Variants in NR1H4 observed in about 807,000 individuals in gnomAD.
NR1H4 encodes the protein nuclear receptor subfamily 1 group H member 4.
Under a neutral mutation model 58.5 loss-of-function variants are expected in NR1H4, and 23 were observed. The observed-to-expected ratio is 0.39, with a 90% confidence interval of 0.28 to 0.56. The LOEUF is 0.56. NR1H4 is among the 20% of genes least tolerant of loss of function. The probability of loss-of-function intolerance (pLI) is 0.58; values close to 1 mark genes in which losing one functional copy is unlikely to be tolerated. For missense variants in NR1H4, 487 were observed against 576.9 expected, an observed-to-expected ratio of 0.84 and a Z score of 1.60; for synonymous variants, 214 against 198.0, an observed-to-expected ratio of 1.08 and a Z score of -0.68.
chr12:100,489,279 T>C (rs1375015251), intron 1 of NR1H4, among the ~76,000 whole-genome samples: 1 of 152,214 alleles, frequency 6.6e-6, no homozygotes, highest in Non-Finnish European at 1.5e-5. Context: ...ACTTTGATTG[T>C]TTGAATCCCT....
At chr12:100,547,574 C>T (rs768108749) in intron 9 of NR1H4, among the ~76,000 whole-genome samples, 6 of 152,118 alleles carry the variant, frequency 3.9e-5, no homozygotes, top group Non-Finnish European at 8.8e-5. Flanking sequence ...CGTGAAGACA[C>T]AAAAGCTTCC....
intron 8 of NR1H4, among the ~76,000 whole-genome samples, chr12:100,538,067 T>C (rs1367776562): frequency 6.6e-6 from 1 of 152,136 alleles, no homozygotes; most frequent in East Asian, 1.9e-4. Flanking sequence ...TTATTTGAGA[T>C]AGGAGAGAAA....
chr12:100,507,711 C>T (rs1484898838), intron 3 of NR1H4, among the ~76,000 whole-genome samples: 1 of 152,102 alleles, frequency 6.6e-6, no homozygotes, highest in African/African-American at 2.4e-5. Flanking sequence ...GAACCACCTG[C>T]CTCGGCCTCC....
intron 1 of NR1H4, among the ~76,000 whole-genome samples, chr12:100,476,401 CCA>C (rs1953272721): frequency 6.6e-6 from 1 of 152,122 alleles, no homozygotes; most frequent in African/African-American, 2.4e-5. Flanking sequence ...TTGTTTTAAC[CCA>C]GAGACCAGTC....
chr12:100,540,151 T>G (rs766037420), intron 8 of NR1H4, among the ~76,000 whole-genome samples: 11 of 152,306 alleles, frequency 7.2e-5, no homozygotes, highest in South Asian at 2.1e-4. Context: ...ATTTTTCTGA[T>G]TTTCCCCCAC....
In NR1H4 at chr12:100,536,542, A is replaced by T; in HGVS notation, c.763A>T (p.Thr255Ser). ...AACTGAACTCACCCCAGATCAACAGACTCTTCTACATTTTATTATGGATTC... is the reference window on the plus strand; with the variant it reads ...AACTGAACTCACCCCAGATCAACAGTCTCTTCTACATTTTATTATGGATTC... The part of the protein sequence containing the change: ...EKTELTPDQQ[T>S]LLHFIMDSYN... Residue 255 changes from threonine (T) to serine (S), a missense_variant, in exon 7 of 11, where the codon ACT becomes TCT. Physicochemically the swap from Thr to Ser is moderately conservative, Grantham distance 58. Transcript: ENST00000392986. The T allele has an allele frequency of 6.2e-7, 1 of 1,610,172 alleles. No homozygotes were observed. Among genetic ancestry groups the T allele is most frequent in the South Asian group, 1.1e-5 (1 of 90,966 alleles).
rs569479207 is a variant in NR1H4 at position 100,540,775 on chromosome 12, G to A, written c.1035G>A (p.Pro345=). Residue 345 remains proline (P), a synonymous_variant, in exon 9 of 11, where the codon CCG becomes CCA. Coordinates refer to ENST00000392986, the MANE Select transcript of NR1H4 (RefSeq NM_001206979.2). ...CTGAGATTTTCAATAAGAAACTTCC[G>A]TCTGGGCATTCTGACCTATTGGAAG... The part of the protein sequence containing the change: ...RSAEIFNKKL[P]SGHSDLLEER... The A allele has an allele frequency of 3.6e-5, 58 of 1,614,092 alleles. No homozygotes were observed. Among genetic ancestry groups the A allele is most frequent in the East Asian group, 2.7e-4 (12 of 44,874 alleles).
At chr12:100,503,758 CAA>C (rs774467423) in intron 3 of NR1H4, among the ~76,000 whole-genome samples, 3 of 152,116 alleles carry the variant, frequency 2.0e-5, no homozygotes, top group Non-Finnish European at 4.4e-5. Context: ...ACTATTCTTC[CAA>C]ACCAAACATT....
chr12:100,561,738 G>C, intron 9 of NR1H4, 147 bp from the exon 10 acceptor site: 1 of 589,346 alleles, frequency 1.7e-6, no homozygotes. Context: ...TCCTTCCTTT[G>C]GACATATAAT....
chr12:100,490,495 C>T (rs968049502), intron 1 of NR1H4, among the ~76,000 whole-genome samples: 3 of 152,012 alleles, frequency 2.0e-5, no homozygotes, highest in South Asian at 2.1e-4. Flanking sequence ...ACTTTCTGAC[C>T]GTTCACATTG....
chr12:100,479,907 C>T (rs1953343853), intron 1 of NR1H4, among the ~76,000 whole-genome samples: 1 of 152,336 alleles, frequency 6.6e-6, no homozygotes, highest in South Asian at 2.1e-4. Context: ...CTTCACATCT[C>T]AGTTCGAATG....
intron 9 of NR1H4, among the ~76,000 whole-genome samples, chr12:100,544,102 A>G (rs577912798): frequency 6.6e-6 from 1 of 151,960 alleles, no homozygotes. Context: ...AATACAAACA[A>G]TTAGTCAGGC....
chr12:100,476,839 A>G (rs968146465), intron 1 of NR1H4, among the ~76,000 whole-genome samples: 1 of 152,172 alleles, frequency 6.6e-6, no homozygotes, highest in Non-Finnish European at 1.5e-5. Context: ...GTGAGCTATG[A>G]TAATGCCACT....
chr12:100,521,670 C>G (rs1036785181), intron 4 of NR1H4, among the ~76,000 whole-genome samples: 4 of 152,124 alleles, frequency 2.6e-5, no homozygotes, highest in Non-Finnish European at 5.9e-5. Flanking sequence ...AGACTTAGGT[C>G]TGAAGTTTTA....
chr12:100,486,038 A>G (rs1158332859), intron 1 of NR1H4, among the ~76,000 whole-genome samples: 2 of 152,102 alleles, frequency 1.3e-5, no homozygotes, highest in African/African-American at 2.4e-5. Flanking sequence ...TTGAAAACCT[A>G]TGAAAGATTC....
chr12:100,534,745 T>C, intron 5 of NR1H4, 145 bp from the exon 6 acceptor site: 3 of 907,346 alleles, frequency 3.3e-6, no homozygotes, highest in Non-Finnish European at 5.2e-6. Flanking sequence ...TGGCCTTCCC[T>C]TTCTAAAATG....
intron 3 of NR1H4, chr12:100,503,632 T>A (rs1953889586): frequency 3.6e-6 from 3 of 842,272 alleles, no homozygotes; most frequent in African/African-American, 1.7e-5. Flanking sequence ...AAGACTGGAA[T>A]GAGAGTTTGG....
intron 4 of NR1H4, among the ~76,000 whole-genome samples, chr12:100,516,977 G>T (rs1488594565): frequency 6.6e-6 from 1 of 152,034 alleles, no homozygotes; most frequent in Non-Finnish European, 1.5e-5. Flanking sequence ...ATTGTGTAAT[G>T]ATCAAATCAG....
intron 3 of NR1H4, among the ~76,000 whole-genome samples, chr12:100,497,452 G>A (rs927222025): frequency 6.6e-6 from 1 of 152,174 alleles, no homozygotes; most frequent in Non-Finnish European, 1.5e-5. Context: ...ACCAGAAAAA[G>A]AAGAAAAGAA....
Sources: gnomAD v4.1 joint callset for allele counts (sites outside exome capture counted in the v4.1 genomes callset) on GRCh38, gnomAD v4.1.1 for gene constraint, MANE v1.5 for transcripts, NCBI Gene and HGNC (gene_info 2026-07-23, HGNC 2026-07-21) for gene names.